SH3D19: variants seen among roughly 807,000 people sequenced by gnomAD.
SH3D19 encodes SH3 domain-containing protein 19.
In SH3D19, 58 loss-of-function variants were observed where a neutral mutation model predicts 112.1. That is an observed-to-expected ratio of 0.52 (90% confidence interval 0.42 to 0.64). SH3D19 has a LOEUF of 0.64. SH3D19 is among the 30% of genes least tolerant of loss of function. The pLI, the probability that SH3D19 is intolerant of heterozygous loss-of-function variation, is 0.00. For missense variants in SH3D19, 1,090 were observed against 1,263.4 expected (o/e 0.86, Z 2.08); for synonymous variants, 391 against 448.5 (o/e 0.87, Z 1.62).
chr4:151,255,631 C>T (rs1332590237), intron 1 of SH3D19, among the ~76,000 whole-genome samples: 57 of 152,182 alleles, frequency 3.7e-4, no homozygotes, highest in African/African-American at 6.0e-4. Flanking sequence ...GGGTGGCGGC[C>T]GGGCAGAGGC....
chr4:151,221,200 T>G (rs938947064), intron 2 of SH3D19, among the ~76,000 whole-genome samples: 2 of 152,130 alleles, frequency 1.3e-5, no homozygotes, highest in African/African-American at 4.8e-5. Flanking sequence ...GCTATAGGAG[T>G]GCTTGGCCTC....
At chr4:151,238,678 G>C (rs184355922) in intron 1 of SH3D19, among the ~76,000 whole-genome samples, 4 of 152,052 alleles carry the variant, frequency 2.6e-5, no homozygotes, top group Admixed American at 1.3e-4. Context: ...GGATTCTTCC[G>C]ATCTGTGACT....
Position 151,175,103 on chromosome 4 carries a change from G to A in SH3D19, c.1101C>T (p.Tyr367=). 6.2e-7 allele frequency: 1 copy of A among 1,614,170 alleles called. No individual in the cohort carries two copies. The highest frequency in any genetic ancestry group is 8.5e-7 in the Non-Finnish European group (1 of 1,180,032). Residue 367 remains tyrosine (Y), a synonymous_variant, in exon 7 of 20, where the codon TAC becomes TAT. Coordinates refer to ENST00000604030, the MANE Select transcript of SH3D19 (RefSeq NM_001378122.1). ...TGCTTCCCGCTTCTTGCAGGGGAGG[G>A]TATGGGGTGAGTCCTTCCTTGGAGG... ...KVTSKEGLTP[Y]PPLQEAGSIP... is the part of the protein sequence containing the mutation.
intron 1 of SH3D19, among the ~76,000 whole-genome samples, chr4:151,264,101 G>A (rs1772585118): frequency 6.6e-6 from 1 of 152,024 alleles, no homozygotes; most frequent in Non-Finnish European, 1.5e-5. Context: ...AACCATGCCT[G>A]GCCAGCCACA....
At chr4:151,262,663 C>G (rs17027494) in intron 1 of SH3D19, 2,740 of 144,836 alleles carry the variant, frequency 0.019, 41 homozygotes, top group Middle Eastern at 0.039. Flanking sequence ...TATGTACTGT[C>G]TAGCCAACAT....
At position 151,325,324 on chromosome 4, in the gene SH3D19, T is replaced by A; in HGVS notation, c.29A>T (p.Glu10Val). MAEGRRREDEEEELRERREL... is the reference protein window; with the variant it reads MAEGRRREDVEEELRERREL... ...GCGGCGCTCGCGTAGCTCTTCCTCC[T>A]CGTCCTCCCGCCGCCGGCCCTCAGC... Residue 10 changes from glutamate (E) to valine (V), a missense_variant, in exon 1 of 20, where the codon GAG becomes GTG. By Grantham distance (121) the Glu-to-Val change is moderately radical (BLOSUM62 -2). Coordinates refer to ENST00000604030, the MANE Select transcript of SH3D19 (RefSeq NM_001378122.1). 8.2e-7 allele frequency: 1 copy of A among 1,217,058 alleles called. No homozygotes were observed. Among genetic ancestry groups the A allele is most frequent in the Non-Finnish European group, 1.0e-6 (1 of 978,470 alleles). 75.4% of individuals were successfully genotyped at this position (1,217,058 alleles called of 1,614,324 possible).
intron 14 of SH3D19, 97 bp from the exon 15 acceptor site, chr4:151,135,229 G>T: frequency 1.1e-6 from 1 of 949,914 alleles, no homozygotes; most frequent in Non-Finnish European, 1.6e-6. Context: ...GACTGAAATC[G>T]ATCGGTTTAG....
chr4:151,209,459 T>C (rs1765621579), intron 2 of SH3D19, among the ~76,000 whole-genome samples: 1 of 152,018 alleles, frequency 6.6e-6, no homozygotes, highest in African/African-American at 2.4e-5. Flanking sequence ...TTTGTGTTTT[T>C]AGTAGACATG....
intron 1 of SH3D19, among the ~76,000 whole-genome samples, chr4:151,284,422 C>G (rs1469615581): frequency 6.6e-6 from 1 of 152,150 alleles, no homozygotes; most frequent in African/African-American, 2.4e-5. Flanking sequence ...GTTTTATTCT[C>G]TCCTCTCATC....
chr4:151,139,789 T>A lies in SH3D19; in HGVS notation c.2282A>T (p.His761Leu), dbSNP rs753610361. ...DSGAPHAVVL[H>L]DFPAEQVDDL... is the part of the protein sequence containing the mutation. ...TACATCCTTACCTGCTGGGAAATCATGAAGAACGACAGCATGAGGAGCACC... is the reference window on the plus strand; with the variant it reads ...TACATCCTTACCTGCTGGGAAATCAAGAAGAACGACAGCATGAGGAGCACC... Residue 761 changes from histidine to leucine, a missense_variant, in exon 13 of 20, where the codon CAT becomes CTT. By Grantham distance (99) the His-to-Leu change is moderately conservative. Transcript: ENST00000604030. 3.7e-6 allele frequency: 6 copies of A among 1,614,036 alleles called. No individual in the cohort carries two copies. Among genetic ancestry groups the A allele is most frequent in the Non-Finnish European group, 5.1e-6 (6 of 1,180,022 alleles).
chr4:151,125,353 C>T (rs1286169632), intron 19 of SH3D19, among the ~76,000 whole-genome samples: 3 of 151,562 alleles, frequency 2.0e-5, no homozygotes, highest in Admixed American at 2.0e-4. Flanking sequence ...GTCCCAGCTA[C>T]TCAGGGAGCT....
At chr4:151,319,853 A>C (rs1730364519) in intron 1 of SH3D19, among the ~76,000 whole-genome samples, 1 of 152,228 alleles carries the variant, frequency 6.6e-6, no homozygotes, top group South Asian at 2.1e-4. Flanking sequence ...ATACAGGTAT[A>C]AATGCGTGGA....
At chr4:151,289,609 A>G (rs1775134020) in intron 1 of SH3D19, among the ~76,000 whole-genome samples, 1 of 152,250 alleles carries the variant, frequency 6.6e-6, no homozygotes, top group Admixed American at 6.5e-5. Flanking sequence ...GTATAAAGAT[A>G]TGCAAATGTA....
chr4:151,169,634 G>A (rs1758704318), intron 7 of SH3D19, among the ~76,000 whole-genome samples: 1 of 152,020 alleles, frequency 6.6e-6, no homozygotes, highest in African/African-American at 2.4e-5. Flanking sequence ...GTTATAAGTG[G>A]GCAACATATA....
intron 1 of SH3D19, among the ~76,000 whole-genome samples, chr4:151,232,338 C>G (rs1487796565): frequency 6.6e-6 from 1 of 151,316 alleles, no homozygotes. Flanking sequence ...TTTCTTCCCT[C>G]TAACCCAATC....
chr4:151,324,102 A>C (rs1042944399), intron 1 of SH3D19, among the ~76,000 whole-genome samples: 4 of 152,220 alleles, frequency 2.6e-5, no homozygotes, highest in African/African-American at 9.6e-5. Context: ...CAAATGCCTT[A>C]TTTTGATGAA....
rs13123065 is a variant in SH3D19, at chr4:151,127,375, G to A, written c.3027+243C>T. ...AGACCAAGGAACAGGGATTACTTTG[G>A]GGATGTATGGGGGTGTAAAGCCAAG... is the stretch of plus-strand genomic sequence containing the variant. On this transcript the variant is annotated intron_variant, in intron 19 of 19. Transcript: ENST00000604030. 5.0e-3 allele frequency among the ~76,000 whole-genome samples: 761 copies of A among 152,276 alleles called. 4 individuals carry two copies. The highest frequency in any genetic ancestry group is 8.3e-3 in the Non-Finnish European group (564 of 68,016).
Position 151,176,552 on chromosome 4 carries a change from C to G in SH3D19, c.511G>C (p.Asp171His). Reference protein sequence around the residue: ...ATQTDFSEEIDNDLPQTLQAP... With the variant: ...ATQTDFSEEIHNDLPQTLQAP... The stretch of plus-strand genomic sequence containing the variant: ...GCATTACTTTGAGGCAGATCGTTGT[C>G]TATTTCTTCTGAAAAGTCAGTCTGA... The change falls in exon 6 of 20, where the codon GAC becomes CAC. Residue 171 changes from aspartate to histidine, a missense_variant. Coordinates refer to ENST00000604030, the MANE Select transcript of SH3D19 (RefSeq NM_001378122.1). 8.1e-7 allele frequency: 1 copy of G among 1,232,156 alleles called. No individual in the cohort carries two copies. The highest frequency in any genetic ancestry group is 1.0e-6 in the Non-Finnish European group (1 of 987,962). 76.3% of individuals were successfully genotyped at this position (1,232,156 alleles called of 1,614,324 possible).
intron 1 of SH3D19, among the ~76,000 whole-genome samples, chr4:151,267,170 A>ATT (rs56951680): frequency 1.9e-5 from 2 of 105,634 alleles, no homozygotes; most frequent in Non-Finnish European, 4.3e-5. Context: ...AAAAAAAAAA[A>ATT]AATAAATAAA....
Sources: gnomAD v4.1 joint callset for allele counts (sites outside exome capture counted in the v4.1 genomes callset) on GRCh38, gnomAD v4.1.1 for gene constraint, MANE v1.5 for transcripts, NCBI Gene and HGNC (gene_info 2026-07-23, HGNC 2026-07-21) for gene names.